Variants in FAM83G observed in about 807,000 individuals in gnomAD.
FAM83G encodes the protein protein FAM83G.
FAM83G carries 38 observed loss-of-function variants against 61.5 expected under a neutral mutation model. The ratio of observed to expected loss-of-function variants is 0.62; its 90% CI spans 0.48 to 0.81. The LOEUF is 0.81. Ranked by LOEUF, FAM83G falls within the 30% of genes least tolerant of loss-of-function variation. The probability of loss-of-function intolerance (pLI) is 0.00; values close to 1 mark genes in which losing one functional copy is unlikely to be tolerated. For missense variants in FAM83G, 989 were observed against 1,133.6 expected (o/e 0.87, Z 1.83); for synonymous variants, 470 against 476.1 (o/e 0.99, Z 0.17).
rs1476109576 is a variant in FAM83G at position 19,000,115 on chromosome 17, T to C, written c.522+3405A>G. Reference sequence around the variant, plus strand: ...TCTTACAAGCCCGTCCTCTGGTATGTAGTTGGAACCCCACAGCAGGTTTTT... The same window carrying C: ...TCTTACAAGCCCGTCCTCTGGTATGCAGTTGGAACCCCACAGCAGGTTTTT... On this transcript the variant is annotated intron_variant, in intron 2 of 5. Transcript: ENST00000388995. This position sits in a 1 kb window ranked among gnomAD's most constrained non-coding sequence, Gnocchi z 5.2. 1.3e-5 allele frequency among the ~76,000 whole-genome samples: 2 copies of C among 152,180 alleles called. No individual in the cohort carries two copies. The highest frequency in any genetic ancestry group is 2.9e-5 in the Non-Finnish European group (2 of 68,016).
chr17:18,997,253 A>C (rs1234048899), intron 2 of FAM83G, among the ~76,000 whole-genome samples: 1 of 152,236 alleles, frequency 6.6e-6, no homozygotes, highest in Non-Finnish European at 1.5e-5. Context: ...TACCTCCCCC[A>C]GACGGACATC....
intron 3 of FAM83G, among the ~76,000 whole-genome samples, chr17:18,980,306 C>T (rs1487769361): frequency 6.6e-6 from 1 of 152,152 alleles, no homozygotes; most frequent in Non-Finnish European, 1.5e-5. Flanking sequence ...AGCACCCAGG[C>T]CAGGTCCTGT....
At chr17:18,974,169 G>T (rs998311861) in intron 5 of FAM83G, among the ~76,000 whole-genome samples, 3 of 152,064 alleles carry the variant, frequency 2.0e-5, no homozygotes, top group African/African-American at 7.2e-5. Context: ...GGGATTACAG[G>T]CATGAGCCAC....
At chr17:18,990,591 C>T (rs942890638) in intron 2 of FAM83G, among the ~76,000 whole-genome samples, 34 of 151,952 alleles carry the variant, frequency 2.2e-4, no homozygotes, top group Admixed American at 6.5e-5. Context: ...GCACCATGTG[C>T]GCCACTCCCC....
At position 18,979,617 on chromosome 17, in the gene FAM83G, C is replaced by T. The variant is rs757147716; in HGVS notation, c.747G>A (p.Lys249=). ...ACTTCTGGGCCAGGGCACCCTTGAA[C>T]TTGGTTGCCGACCGCGTGAAGAACT... ...GTEFFTRSAT[K]FKGALAQKFM... is the part of the protein sequence containing the mutation. The change falls in exon 4 of 6, where the codon AAG becomes AAA. Residue 249 remains lysine, a synonymous_variant. Coordinates refer to ENST00000388995, the MANE Select transcript of FAM83G (RefSeq NM_001039999.3). 6.2e-7 allele frequency: 1 copy of T among 1,613,560 alleles called. No homozygotes were observed. The highest frequency in any genetic ancestry group is 2.2e-5 in the East Asian group (1 of 44,884).
Position 18,977,658 on chromosome 17 carries a change from G to A in FAM83G, c.2008C>T (p.Gln670Ter), listed in dbSNP as rs748573813. 2 of 1,610,174 alleles carry A rather than the reference G, an allele frequency of 1.2e-6. No individual in the cohort carries two copies. Among genetic ancestry groups the A allele is most frequent in the Non-Finnish European group, 1.7e-6 (2 of 1,179,940 alleles). ...TCTGCTTCTTCTCTTCCCCGACTCT[G>A]GGCCCATGGGGAGCCACCCTGGGGT... ...VGPQGGSPWA[Q>*]SRGREEADAL... The change falls in exon 5 of 6, where the codon CAG (glutamine) becomes TAG (stop). Residue 670 changes from glutamine to a stop codon, truncating the protein, a stop_gained. Coordinates refer to ENST00000388995, the MANE Select transcript of FAM83G (RefSeq NM_001039999.3). LOFTEE classifies it high-confidence loss of function.
chr17:19,004,113 G>C lies in FAM83G; in HGVS notation c.-72C>G. 1 of 1,463,698 alleles carries C rather than the reference G, an allele frequency of 6.8e-7. No individual in the cohort carries two copies. The highest frequency in any genetic ancestry group is 9.2e-7 in the Non-Finnish European group (1 of 1,091,056). The allele number at this position is 1,463,698 out of a possible 1,614,324, so 90.7% of individuals were successfully genotyped here. ...CCAGCTCCTAGCTCCGGCCCAGCTG[G>C]GGCACCGCGCGCTCGGGGGCCTCTC... On this transcript the variant is annotated 5_prime_UTR_variant, in exon 2 of 6. Transcript: ENST00000388995. The surrounding 1 kb of genome is among the most constrained non-coding windows in gnomAD (Gnocchi z 5.4).
At chr17:18,973,183 A>T (rs1425826893) in intron 5 of FAM83G, among the ~76,000 whole-genome samples, 1 of 152,156 alleles carries the variant, frequency 6.6e-6, no homozygotes. Flanking sequence ...GAGCCCCTTT[A>T]CACCCGCCAC....
At position 18,969,766 on chromosome 17, in the gene FAM83G, G is replaced by A. The variant is rs1206998232; in HGVS notation, c.*1593C>T. On this transcript the variant is annotated 3_prime_UTR_variant, in exon 6 of 6. Transcript: ENST00000388995. ...CGGGTGTGAAGGCACACAACCAGGA[G>A]GCCATAAAACTGCCTGGGCAGCTCC... 2 of 279,210 alleles carry A rather than the reference G, an allele frequency of 7.2e-6. No homozygotes were observed. Among genetic ancestry groups the A allele is most frequent in the Non-Finnish European group, 1.3e-5 (2 of 149,170 alleles). The allele number at this position is 279,210 out of a possible 1,614,324, so 17.3% of individuals were successfully genotyped here.
chr17:18,972,102 C>T (rs896737444), intron 5 of FAM83G, among the ~76,000 whole-genome samples: 1 of 152,156 alleles, frequency 6.6e-6, no homozygotes, highest in Admixed American at 6.5e-5. Flanking sequence ...TGACTCTGGC[C>T]CTGCCCTCAA....
At position 19,000,550 on chromosome 17, in the gene FAM83G, G is replaced by T. The variant is rs1321174427; in HGVS notation, c.522+2970C>A. Among the ~76,000 whole-genome samples the T allele has an allele frequency of 2.0e-5, 3 of 152,170 alleles. No individual in the cohort carries two copies. The highest frequency in any genetic ancestry group is 4.4e-5 in the Non-Finnish European group (3 of 68,026). ...GAACACAGCCGCTCCCCTAAGTGCT[G>T]CGTCACTTCCCTGCCCCAGGGTCTG... On this transcript the variant is annotated intron_variant, in intron 2 of 5. Coordinates refer to ENST00000388995, the MANE Select transcript of FAM83G (RefSeq NM_001039999.3). The surrounding 1 kb of genome is among the most constrained non-coding windows in gnomAD (Gnocchi z 5.2).
At chr17:18,977,511 A>T in intron 5 of FAM83G, 73 bp downstream of exon 5, 1 of 1,425,998 alleles carries the variant, frequency 7.0e-7, no homozygotes, top group African/African-American at 1.4e-5. Flanking sequence ...AGCCCAGAAG[A>T]CAACAGCTCG....
chr17:19,002,544 G>GCT (rs1465832067), intron 2 of FAM83G, among the ~76,000 whole-genome samples: 2 of 152,206 alleles, frequency 1.3e-5, no homozygotes, highest in Non-Finnish European at 2.9e-5. Flanking sequence ...ACCCAGCTAG[G>GCT]AACACCTCAT....
At chr17:18,973,015 G>C (rs574573102) in intron 5 of FAM83G, among the ~76,000 whole-genome samples, 1 of 152,302 alleles carries the variant, frequency 6.6e-6, no homozygotes, top group African/African-American at 2.4e-5. Flanking sequence ...GCCCACATCC[G>C]CCATGCCTCA....
chr17:18,983,750 GT>G lies in FAM83G; in HGVS notation c.691-4078del, dbSNP rs758147409. Among the ~76,000 whole-genome samples, 90 of 152,320 alleles carry G rather than the reference GT, an allele frequency of 5.9e-4. 1 individual carries two copies. The highest frequency in any genetic ancestry group is 3.4e-3 in the Middle Eastern group (1 of 294). ...CACTCACCCTGGACTTCTCCAGGCT[GT>G]TGTGAAGTTGGGGTGGTGGGCCCTT... On this transcript the variant is annotated intron_variant, in intron 3 of 5. Transcript: ENST00000388995.
chr17:18,978,540 G>C lies in FAM83G; in HGVS notation c.1126C>G (p.Leu376Val). Residue 376 changes from leucine (L) to valine (V), a missense_variant, in exon 5 of 6, where the codon CTG becomes GTG. Transcript: ENST00000388995. ...EKQEAKKPLG[L>V]KGPALAEHPG... ...TGCTCAGCCAGCGCTGGGCCTTTCA[G>C]CCCCAGGGGCTTCTTGGCCTCCTGC... The C allele has an allele frequency of 6.2e-7, 1 of 1,613,306 alleles. No homozygotes were observed. The highest frequency in any genetic ancestry group is 8.5e-7 in the Non-Finnish European group (1 of 1,179,974).
intron 2 of FAM83G, among the ~76,000 whole-genome samples, chr17:19,002,371 C>G (rs2043752580): frequency 6.6e-6 from 1 of 152,218 alleles, no homozygotes; most frequent in Non-Finnish European, 1.5e-5. Context: ...AAACTGGGGC[C>G]AGGGCCAGGG....
rs369502657 is a variant in FAM83G at position 18,987,732 on chromosome 17, C to G, written c.690+515G>C. Among the ~76,000 whole-genome samples, 10 of 152,374 alleles carry G rather than the reference C, an allele frequency of 6.6e-5. 1 individual carries two copies. Among genetic ancestry groups the G allele is most frequent in the Admixed American group, 5.2e-4 (8 of 15,310 alleles). ...CCTTAAATTCACTTCAACTGTGCAG[C>G]CATCGCAGAAGCCTTCCCTGGCCCC... On this transcript the variant is annotated intron_variant, in intron 3 of 5. Coordinates refer to ENST00000388995, the MANE Select transcript of FAM83G (RefSeq NM_001039999.3).
chr17:18,975,528 A>G (rs1316331799), intron 5 of FAM83G, among the ~76,000 whole-genome samples: 1 of 152,030 alleles, frequency 6.6e-6, no homozygotes, highest in East Asian at 1.9e-4. Context: ...CATCTCTACT[A>G]AAAATACAAA....
Sources: allele counts gnomAD v4.1 joint callset (sites outside exome capture counted in the v4.1 genomes callset), GRCh38; gene constraint gnomAD v4.1.1; non-coding constraint Gnocchi (gnomAD v3.1); transcripts MANE v1.5; gene names NCBI Gene and HGNC (gene_info 2026-07-23, HGNC 2026-07-21).